UBE3B: variants seen among roughly 807,000 people sequenced by gnomAD.
UBE3B encodes ubiquitin-protein ligase E3B.
A neutral mutation model predicts 132.3 loss-of-function variants in UBE3B; 80 were observed. That is an observed-to-expected ratio of 0.60 (90% CI 0.50 to 0.73). The LOEUF is 0.73. Among genes scored for constraint, UBE3B ranks in the 30% least tolerant of loss-of-function variants. The pLI, the probability that UBE3B is intolerant of heterozygous loss-of-function variation, is 0.00. For synonymous variants in UBE3B, 487 were observed against 520.4 expected (o/e 0.94, Z 0.87); for missense variants, 1,196 against 1,362.5 (o/e 0.88, Z 1.92).
chr12:109,531,721 A>G (rs1882958807), intron 26 of UBE3B, among the ~76,000 whole-genome samples: 1 of 152,146 alleles, frequency 6.6e-6, no homozygotes, highest in Non-Finnish European at 1.5e-5. Flanking sequence ...TAGGATGGGC[A>G]GGCAGACAGA....
intron 10 of UBE3B, 65 bp downstream of exon 10, chr12:109,497,988 A>G (rs761865168): frequency 2.2e-5 from 34 of 1,554,848 alleles, no homozygotes; most frequent in Admixed American, 8.4e-5. Flanking sequence ...CTTAAACATT[A>G]GAAAGTAAAA....
chr12:109,529,364 G>T (rs1213885779), intron 24 of UBE3B, among the ~76,000 whole-genome samples: 2 of 152,160 alleles, frequency 1.3e-5, no homozygotes, highest in Non-Finnish European at 2.9e-5. Context: ...TAGCCCAGCT[G>T]CGTGTTTAAA....
rs1352173808 is a variant in UBE3B at position 109,508,411 on chromosome 12, G to GT, written c.1622+677dup. The GT allele has an allele frequency of 1.4e-5, 8 of 576,360 alleles. No individual in the cohort carries two copies. In the Admixed American group the frequency reaches 5.1e-4, roughly 36 times the overall value. 35.7% of individuals were successfully genotyped at this position (576,360 alleles called of 1,614,324 possible). A position where few individuals can be genotyped will look rare whatever the true frequency, so the allele number is the denominator to read the frequency against. ...TGAAAAAAACAGCGTCAAATACTTA[G>GT]TGCAGTGCCTGGCACAGAGTGGGAA... On this transcript the variant is annotated intron_variant, in intron 15 of 27. Coordinates refer to ENST00000342494, the MANE Select transcript of UBE3B (RefSeq NM_130466.4).
chr12:109,501,718 C>G (rs1191285375), intron 13 of UBE3B, among the ~76,000 whole-genome samples, 184 bp downstream of exon 13: 6 of 152,196 alleles, frequency 3.9e-5, no homozygotes, highest in Non-Finnish European at 5.9e-5. Context: ...GTGGCATGAT[C>G]ATAGCTTACT....
At chr12:109,482,989 G>A (rs1875743035) in intron 2 of UBE3B, among the ~76,000 whole-genome samples, 1 of 152,140 alleles carries the variant, frequency 6.6e-6, no homozygotes, top group South Asian at 2.1e-4. Context: ...TTTTTTGTGT[G>A]CTGTCACAAA....
At chr12:109,498,424 T>A (rs1373940528) in intron 11 of UBE3B, 71 bp downstream of exon 11, 1 of 1,541,042 alleles carries the variant, frequency 6.5e-7, no homozygotes, top group East Asian at 2.3e-5. Context: ...TGCCTGTCAC[T>A]ATTCTAGAGA....
At chr12:109,528,350 G>A in intron 24 of UBE3B, 3 of 985,234 alleles carry the variant, frequency 3.0e-6, no homozygotes, top group Middle Eastern at 1.0e-3. Flanking sequence ...CTCGTCACCT[G>A]CTTCAAAGTA....
chr12:109,515,722 A>C (rs1264043019), intron 18 of UBE3B, among the ~76,000 whole-genome samples: 1 of 152,216 alleles, frequency 6.6e-6, no homozygotes, highest in Non-Finnish European at 1.5e-5. Flanking sequence ...GGAGATTCCC[A>C]TTTTTAAAAA....
At chr12:109,494,366 G>C (rs532175040) in intron 9 of UBE3B, among the ~76,000 whole-genome samples, 8 of 152,230 alleles carry the variant, frequency 5.3e-5, no homozygotes, top group African/African-American at 1.9e-4. Flanking sequence ...AACTTGCCCT[G>C]TTCCTCACAC....
intron 18 of UBE3B, among the ~76,000 whole-genome samples, chr12:109,512,824 C>G (rs2136003236): frequency 6.6e-6 from 1 of 152,342 alleles, no homozygotes; most frequent in Admixed American, 6.5e-5. Context: ...ACGGCAATTA[C>G]TTAATCAAAT....
intron 9 of UBE3B, chr12:109,491,412 A>G (rs771580274): frequency 6.8e-5 from 20 of 295,366 alleles, no homozygotes; most frequent in Non-Finnish European, 1.1e-4. Context: ...CCAAGATGCA[A>G]TCATTTTTCC....
intron 25 of UBE3B, 52 bp from the exon 26 acceptor site, chr12:109,530,495 C>T (rs528208828): frequency 1.3e-6 from 2 of 1,530,088 alleles, no homozygotes; most frequent in Middle Eastern, 2.0e-4. Flanking sequence ...CCTGCCTGTC[C>T]ATAAGTGCCC....
chr12:109,498,206 G>C (rs1453228397), intron 10 of UBE3B, 27 bp from the exon 11 acceptor site: 1 of 1,612,574 alleles, frequency 6.2e-7, no homozygotes, highest in Non-Finnish European at 8.5e-7. Context: ...GGCAGTTTCT[G>C]ATTTAACGGT....
At chr12:109,524,605 T>C (rs778763429) in intron 23 of UBE3B, 102 bp downstream of exon 23, 222 of 1,326,368 alleles carry the variant, frequency 1.7e-4, no homozygotes, top group Non-Finnish European at 2.2e-4. Flanking sequence ...AAGCTGAGGC[T>C]CTGTCTGGTC....
chr12:109,528,486 A>G, intron 24 of UBE3B: 1 of 985,358 alleles, frequency 1.0e-6, no homozygotes, highest in Non-Finnish European at 1.2e-6. Context: ...ATTGTAAAAC[A>G]TTTATTTGGA....
rs1875850719 is a variant in UBE3B, at chr12:109,483,588, A to G, written c.37A>G (p.Ile13Val). Residue 13 changes from isoleucine (I) to valine (V), a missense_variant, in exon 3 of 28, where the codon ATC (isoleucine) becomes GTC (valine). Ile to Val is a conservative substitution (Grantham distance 29, BLOSUM62 3). Transcript: ENST00000342494. The part of the protein sequence containing the change: ...TLSQTSRAWF[I>V]DRARQAREER... ...GTCTCAGACCTCGAGAGCATGGTTC[A>G]TCGATAGAGCCCGTCAGGCACGAGA... 3 of 1,606,766 alleles carry G rather than the reference A, an allele frequency of 1.9e-6. No individual in the cohort carries two copies. The highest frequency in any genetic ancestry group is 2.5e-6 in the Non-Finnish European group (3 of 1,177,878).
At chr12:109,488,862 G>A (rs985110967) in intron 7 of UBE3B, among the ~76,000 whole-genome samples, 194 bp downstream of exon 7, 2 of 152,188 alleles carry the variant, frequency 1.3e-5, no homozygotes, top group African/African-American at 4.8e-5. Context: ...ATTGTGTGTT[G>A]TACTCAACCC....
chr12:109,496,399 C>T (rs1250356143), intron 9 of UBE3B, among the ~76,000 whole-genome samples: 1 of 152,116 alleles, frequency 6.6e-6, no homozygotes, highest in East Asian at 1.9e-4. Context: ...GGGCATATTC[C>T]TGGGAGTAGA....
chr12:109,508,891 T>G, intron 15 of UBE3B: 1 of 332,786 alleles, frequency 3.0e-6, no homozygotes, highest in Non-Finnish European at 4.3e-6. Flanking sequence ...GTCTTAGATA[T>G]CGAAAAGATT....
Sources: allele counts gnomAD v4.1 joint callset (sites outside exome capture counted in the v4.1 genomes callset), GRCh38; gene constraint gnomAD v4.1.1; transcripts MANE v1.5; gene names NCBI Gene and HGNC (gene_info 2026-07-23, HGNC 2026-07-21).